Variants in GRIN2A observed in about 807,000 individuals in gnomAD.
GRIN2A encodes glutamate ionotropic receptor NMDA type subunit 2A.
In GRIN2A, 22 loss-of-function variants were observed where a neutral mutation model predicts 113.4. The ratio of observed to expected loss-of-function variants is 0.19; its 90% CI spans 0.14 to 0.28. The LOEUF is 0.28. Among genes scored for constraint, GRIN2A ranks in the 10% least tolerant of loss-of-function variants. The pLI is 1.00. For missense variants in GRIN2A, 1,502 were observed against 1,887.0 expected (o/e 0.80, Z 3.78); for synonymous variants, 827 against 738.4 (o/e 1.12, Z -1.94).
At chr16:9,813,518 T>A (rs1226197426) in intron 10 of GRIN2A, among the ~76,000 whole-genome samples, 1 of 109,748 alleles carries the variant, frequency 9.1e-6, no homozygotes, top group Non-Finnish European at 1.9e-5. Flanking sequence ...CTGTTTTTTT[T>A]GCCTTTTTTT....
At chr16:10,171,551 T>G (rs2050042002) in intron 2 of GRIN2A, 1 of 152,236 alleles carries the variant, frequency 6.6e-6, no homozygotes, top group Admixed American at 6.5e-5. Flanking sequence ...AGGAAGCTTC[T>G]GATTGTCTCA....
chr16:10,181,555 C>T (rs1379953609), intron 1 of GRIN2A: 1 of 152,304 alleles, frequency 6.6e-6, no homozygotes, highest in East Asian at 1.9e-4. Flanking sequence ...GGTGCACACG[C>T]ATGAACTGCG....
intron 3 of GRIN2A, chr16:9,937,576 C>A: frequency 4.1e-6 from 1 of 244,088 alleles, no homozygotes; most frequent in Non-Finnish European, 8.0e-6. Context: ...ATCATGATAC[C>A]ATGATATCAT....
At chr16:10,122,146 C>T (rs368548146) in intron 2 of GRIN2A, among the ~76,000 whole-genome samples, 1 of 152,090 alleles carries the variant, frequency 6.6e-6, no homozygotes, top group Non-Finnish European at 1.5e-5. Flanking sequence ...CCAGCTGCAC[C>T]CATATTCAAG....
chr16:9,958,805 A>G (rs905074728), intron 2 of GRIN2A, among the ~76,000 whole-genome samples: 1 of 152,206 alleles, frequency 6.6e-6, no homozygotes, highest in African/African-American at 2.4e-5. Context: ...CTAAATAAAC[A>G]CTAAAGCATA....
At chr16:9,964,233 A>T (rs554172345) in intron 2 of GRIN2A, among the ~76,000 whole-genome samples, 1 of 152,326 alleles carries the variant, frequency 6.6e-6, no homozygotes, top group Non-Finnish European at 1.5e-5. Flanking sequence ...CATACCATGG[A>T]GCTTACATGA....
chr16:10,001,928 C>G (rs930408747), intron 2 of GRIN2A, among the ~76,000 whole-genome samples: 7 of 152,168 alleles, frequency 4.6e-5, no homozygotes, highest in African/African-American at 1.7e-4. Context: ...AGGATAACAC[C>G]TACCTTTAAT....
intron 2 of GRIN2A, among the ~76,000 whole-genome samples, chr16:10,006,839 T>A (rs1856528325): frequency 6.6e-6 from 1 of 152,228 alleles, no homozygotes; most frequent in South Asian, 2.1e-4. Context: ...CTGTGTTCAA[T>A]TGTTTTAATT....
At chr16:10,018,108 T>C (rs1042605434) in intron 2 of GRIN2A, among the ~76,000 whole-genome samples, 1 of 152,236 alleles carries the variant, frequency 6.6e-6, no homozygotes, top group African/African-American at 2.4e-5. Flanking sequence ...TAGTTACTTT[T>C]ACATTTAGAA....
chr16:10,016,116 C>CAAAAAAAA (rs140929988), intron 2 of GRIN2A, among the ~76,000 whole-genome samples: 1 of 66,314 alleles, frequency 1.5e-5, no homozygotes, highest in Non-Finnish European at 2.7e-5. Flanking sequence ...AACTCCATCT[C>CAAAAAAAA]AAAAAAAAAA....
intron 2 of GRIN2A, among the ~76,000 whole-genome samples, chr16:10,153,802 T>A (rs907075150): frequency 6.6e-6 from 1 of 152,196 alleles, no homozygotes; most frequent in East Asian, 1.9e-4. Context: ...AAAGATCTCC[T>A]TAATGCAGCA....
intron 2 of GRIN2A, among the ~76,000 whole-genome samples, chr16:10,158,213 G>A (rs1042321179): frequency 2.6e-5 from 4 of 152,020 alleles, no homozygotes; most frequent in Non-Finnish European, 5.9e-5. Flanking sequence ...CCATATTGCC[G>A]AGGCTAGTCC....
At chr16:9,920,235 G>A (rs958054239) in intron 3 of GRIN2A, among the ~76,000 whole-genome samples, 5 of 152,136 alleles carry the variant, frequency 3.3e-5, no homozygotes, top group African/African-American at 9.7e-5. Context: ...GAATGAAAAC[G>A]GGTGAATGCA....
intron 3 of GRIN2A, among the ~76,000 whole-genome samples, chr16:9,936,376 C>G (rs2044713998): frequency 6.6e-6 from 1 of 152,106 alleles, no homozygotes; most frequent in Non-Finnish European, 1.5e-5. Context: ...ACACCTGAGG[C>G]CCAGAAAAGT....
intron 11 of GRIN2A, among the ~76,000 whole-genome samples, chr16:9,779,986 A>G (rs1341068884): frequency 6.6e-6 from 1 of 152,224 alleles, no homozygotes; most frequent in African/African-American, 2.4e-5. Context: ...AGGTCACAAA[A>G]TAAGGCAATG....
intron 2 of GRIN2A, among the ~76,000 whole-genome samples, chr16:9,986,409 C>T (rs746014599): frequency 1.2e-4 from 19 of 152,060 alleles, no homozygotes; most frequent in Middle Eastern, 3.2e-3. Context: ...TGATCTTTGT[C>T]GATTTTATTT....
chr16:10,019,808 C>A (rs2046682308), intron 2 of GRIN2A, among the ~76,000 whole-genome samples: 1 of 152,168 alleles, frequency 6.6e-6, no homozygotes, highest in Admixed American at 6.5e-5. Context: ...GATATGTTGA[C>A]CAAAGGGTAC....
In GRIN2A at chr16:9,773,813, A is replaced by G. The variant is rs114010575; in HGVS notation, c.2357-4724T>C. On this transcript the variant is annotated intron_variant, in intron 11 of 12. Coordinates refer to ENST00000330684, the MANE Select transcript of GRIN2A (RefSeq NM_001134407.3). Reference sequence around the variant, plus strand: ...TCTACTAACCACTTAGTTCTGCACCATCGTGAGGAAAGCTGTAAGTTCAGT... The same window carrying G: ...TCTACTAACCACTTAGTTCTGCACCGTCGTGAGGAAAGCTGTAAGTTCAGT... Among the ~76,000 whole-genome samples the G allele has an allele frequency of 3.5e-3, 530 of 152,310 alleles. 6 individuals are homozygous for G. Among genetic ancestry groups the G allele is most frequent in the African/African-American group, 0.012 (516 of 41,560 alleles).
chr16:10,147,057 T>C (rs1486591660), intron 2 of GRIN2A, among the ~76,000 whole-genome samples: 2 of 152,106 alleles, frequency 1.3e-5, no homozygotes. Flanking sequence ...GACTTTCTTA[T>C]GAGATGATCA....
Sources: gnomAD v4.1 joint callset for allele counts (sites outside exome capture counted in the v4.1 genomes callset) on GRCh38, gnomAD v4.1.1 for gene constraint, MANE v1.5 for transcripts, NCBI Gene and HGNC (gene_info 2026-07-23, HGNC 2026-07-21) for gene names.